CLYBL: variants seen among roughly 807,000 people sequenced by gnomAD.
CLYBL encodes the protein citramalyl-CoA lyase.
Under a neutral mutation model 38.9 loss-of-function variants are expected in CLYBL, and 31 were observed. That is an observed-to-expected ratio of 0.80 (90% CI 0.60 to 1.08). The LOEUF (loss-of-function observed/expected upper bound fraction) is 1.08. Among genes scored for constraint, CLYBL ranks in the 50% least tolerant of loss-of-function variants. The pLI is 0.00. For synonymous variants in CLYBL, 171 were observed against 158.6 expected (o/e 1.08, Z -0.59); for missense variants, 434 against 411.6 (o/e 1.05, Z -0.47).
chr13:99,622,163 GT>G (rs2046808356), intron 1 of CLYBL, among the ~76,000 whole-genome samples: 2 of 152,218 alleles, frequency 1.3e-5, no homozygotes, highest in Non-Finnish European at 2.9e-5. Context: ...AAGCACCCTT[GT>G]GATTACGTTG....
intron 1 of CLYBL, among the ~76,000 whole-genome samples, chr13:99,723,489 C>CA (rs2048423746): frequency 6.6e-6 from 1 of 152,072 alleles, no homozygotes; most frequent in African/African-American, 2.4e-5. Context: ...CTCTTAAAGC[C>CA]AAAATGTTGG....
intron 2 of CLYBL, chr13:99,783,847 A>T (rs912410940): frequency 2.0e-5 from 3 of 147,996 alleles, no homozygotes; most frequent in African/African-American, 7.6e-5. Context: ...CATGATTATG[A>T]GTGGCAAAGT....
chr13:99,873,544 C>A (rs1031660343), intron 7 of CLYBL, among the ~76,000 whole-genome samples: 4 of 152,118 alleles, frequency 2.6e-5, no homozygotes, highest in Admixed American at 2.6e-4. Flanking sequence ...AAATTTCATT[C>A]AAGTAATGCT....
intron 7 of CLYBL, among the ~76,000 whole-genome samples, chr13:99,882,588 C>T (rs568296212): frequency 4.6e-4 from 70 of 151,686 alleles, no homozygotes; most frequent in South Asian, 2.1e-3. Flanking sequence ...CACCTGAGCC[C>T]GGGAAGTCAA....
intron 2 of CLYBL, among the ~76,000 whole-genome samples, chr13:99,806,783 TCTGTTGTATTACCTCTTACC>T (rs1164852528): frequency 6.6e-6 from 1 of 152,204 alleles, no homozygotes; most frequent in Non-Finnish European, 1.5e-5. Flanking sequence ...TTCTAAATCT[TCTGTTGTATTACCTCTTACC>T]CTTGGGTAGT....
intron 1 of CLYBL, among the ~76,000 whole-genome samples, chr13:99,735,495 A>G (rs1013803634): frequency 1.4e-5 from 2 of 144,162 alleles, no homozygotes; most frequent in African/African-American, 5.1e-5. Flanking sequence ...CACACCCAGC[A>G]TTTTTTTTTT....
At chr13:99,794,589 T>TATTATTATTATTATTATC (rs1196593393) in intron 2 of CLYBL, among the ~76,000 whole-genome samples, 25 of 148,858 alleles carry the variant, frequency 1.7e-4, no homozygotes, top group Admixed American at 5.4e-4. Flanking sequence ...CATTTATTAT[T>TATTATTATTATTATTATC]ATTATTATTA....
intron 1 of CLYBL, among the ~76,000 whole-genome samples, chr13:99,617,646 G>T (rs1202109459): frequency 7.2e-6 from 1 of 138,614 alleles, no homozygotes; most frequent in Non-Finnish European, 1.7e-5. Flanking sequence ...CCTTTCAGAA[G>T]ATGTAAGAGT....
chr13:99,816,320 G>A (rs902367981), intron 2 of CLYBL, among the ~76,000 whole-genome samples: 1 of 152,224 alleles, frequency 6.6e-6, no homozygotes, highest in Non-Finnish European at 1.5e-5. Context: ...AGATGCTGAA[G>A]CTTACCACCA....
intron 1 of CLYBL, among the ~76,000 whole-genome samples, chr13:99,753,387 G>A (rs1422250670): frequency 6.6e-6 from 1 of 152,146 alleles, no homozygotes; most frequent in African/African-American, 2.4e-5. Flanking sequence ...AGAGGCCCCA[G>A]GAACCAGTCG....
intron 2 of CLYBL, among the ~76,000 whole-genome samples, chr13:99,851,189 G>A (rs1238689960): frequency 5.9e-5 from 9 of 151,918 alleles, no homozygotes; most frequent in African/African-American, 2.2e-4. Flanking sequence ...CCAACATGGC[G>A]AAACCCTGCC....
intron 2 of CLYBL, among the ~76,000 whole-genome samples, chr13:99,816,909 G>C (rs1462914239): frequency 1.3e-5 from 2 of 152,226 alleles, no homozygotes; most frequent in African/African-American, 4.8e-5. Flanking sequence ...CTTCATGGAA[G>C]TGGTGGGGAG....
At chr13:99,798,233 T>C (rs1256959746) in intron 2 of CLYBL, among the ~76,000 whole-genome samples, 6 of 152,324 alleles carry the variant, frequency 3.9e-5, no homozygotes, top group Non-Finnish European at 8.8e-5. Flanking sequence ...GAAGGCCCTT[T>C]AATGTCATCT....
chr13:99,666,013 G>A (rs2047476105), intron 1 of CLYBL, among the ~76,000 whole-genome samples: 1 of 152,136 alleles, frequency 6.6e-6, no homozygotes, highest in African/African-American at 2.4e-5. Context: ...TATGTCTGGG[G>A]AGGGCTTTAC....
At chr13:99,743,479 T>C (rs2048792727) in intron 1 of CLYBL, among the ~76,000 whole-genome samples, 1 of 152,226 alleles carries the variant, frequency 6.6e-6, no homozygotes, top group South Asian at 2.1e-4. Context: ...ATTAGACATA[T>C]ATGATCTAAG....
At chr13:99,738,504 A>G (rs145247960) in intron 1 of CLYBL, among the ~76,000 whole-genome samples, 81 of 152,272 alleles carry the variant, frequency 5.3e-4, no homozygotes, top group African/African-American at 1.9e-3. Context: ...ACCTGCAATT[A>G]ACCAGGTAGG....
chr13:99,687,781 G>A (rs2047839734), intron 1 of CLYBL, among the ~76,000 whole-genome samples: 1 of 152,212 alleles, frequency 6.6e-6, no homozygotes. Flanking sequence ...TTGAAGACTT[G>A]TTAGTTATGT....
chr13:99,639,846 A>G (rs1444077307), intron 1 of CLYBL, among the ~76,000 whole-genome samples: 2 of 152,220 alleles, frequency 1.3e-5, no homozygotes, highest in African/African-American at 2.4e-5. Flanking sequence ...GCAGTGAGCC[A>G]TGATTGTACC....
intron 1 of CLYBL, among the ~76,000 whole-genome samples, chr13:99,747,923 T>C (rs1160868337): frequency 1.3e-5 from 2 of 152,224 alleles, no homozygotes. Flanking sequence ...GGGGTAATTT[T>C]ATTTTTTTAA....
Sources: allele counts gnomAD v4.1 joint callset (sites outside exome capture counted in the v4.1 genomes callset), GRCh38; gene constraint gnomAD v4.1.1; transcripts MANE v1.5; gene names NCBI Gene and HGNC (gene_info 2026-07-23, HGNC 2026-07-21).